Variants in VCPIP1 observed in about 807,000 individuals in gnomAD.
VCPIP1 encodes the protein valosin containing protein interacting protein 1, also known as deubiquitinating protein VCPIP1.
VCPIP1 carries 8 observed loss-of-function variants against 85.0 expected under a neutral mutation model. That is an observed-to-expected ratio of 0.09 (90% CI 0.06 to 0.17). VCPIP1 has a LOEUF of 0.17. Among genes scored for constraint, VCPIP1 ranks in the 10% least tolerant of loss-of-function variants. The pLI is 1.00. For missense variants in VCPIP1, 1,070 were observed against 1,486.3 expected (o/e 0.72, Z 4.61); for synonymous variants, 543 against 544.5 (o/e 1.00, Z 0.04).
chr8:66,641,988 A>G (rs1810952633), intron 2 of VCPIP1, among the ~76,000 whole-genome samples: 1 of 152,192 alleles, frequency 6.6e-6, no homozygotes, highest in South Asian at 2.1e-4. Context: ...TAGTAACTCT[A>G]CATTTAACCT....
chr8:66,659,244 T>C (rs1422200683), intron 1 of VCPIP1, among the ~76,000 whole-genome samples: 1 of 151,578 alleles, frequency 6.6e-6, no homozygotes, highest in South Asian at 2.1e-4. Flanking sequence ...TTGCCCAGAC[T>C]GGAGTGCAGT....
intron 1 of VCPIP1, among the ~76,000 whole-genome samples, chr8:66,659,020 T>C (rs1397116806): frequency 1.3e-5 from 2 of 152,086 alleles, no homozygotes; most frequent in Admixed American, 1.3e-4. Flanking sequence ...ACTGACAAAT[T>C]CTGTTCTTCA....
At chr8:66,648,495 C>T (rs1811017762) in intron 2 of VCPIP1, among the ~76,000 whole-genome samples, 1 of 152,032 alleles carries the variant, frequency 6.6e-6, no homozygotes, top group South Asian at 2.1e-4. Context: ...TCTATCTGAT[C>T]TAATCTATCC....
At chr8:66,650,667 C>A (rs1402912890) in intron 2 of VCPIP1, among the ~76,000 whole-genome samples, 1 of 151,774 alleles carries the variant, frequency 6.6e-6, no homozygotes, top group Non-Finnish European at 1.5e-5. Flanking sequence ...AACAACAACA[C>A]AAACATTATC....
Position 66,634,620 on chromosome 8 carries a change from C to T in VCPIP1, c.3550G>A (p.Gly1184Arg), listed in dbSNP as rs1329792393. The T allele has an allele frequency of 1.2e-6, 2 of 1,614,162 alleles. No homozygotes were observed. The highest frequency in any genetic ancestry group is 1.6e-4 in the Middle Eastern group (1 of 6,062). ...TTTGACCTTGTGGCAAAGGCTGCTCCCAGTGCATCTGCTACACAGCCATCA... is the reference window on the plus strand; with the variant it reads ...TTTGACCTTGTGGCAAAGGCTGCTCTCAGTGCATCTGCTACACAGCCATCA... Reference protein sequence around the residue: ...TTDGCVADALGAAFATRSKAQ... With the variant: ...TTDGCVADALRAAFATRSKAQ... The change falls in exon 3 of 3, where the codon GGA (glycine) becomes AGA (arginine). Residue 1184 changes from glycine (G) to arginine (R), a missense_variant. By Grantham distance (125) the Gly-to-Arg change is moderately radical (BLOSUM62 -2). Coordinates refer to ENST00000310421, the MANE Select transcript of VCPIP1 (RefSeq NM_025054.5).
intron 2 of VCPIP1, 143 bp downstream of exon 2, chr8:66,651,315 A>C: frequency 1.7e-6 from 1 of 601,010 alleles, no homozygotes; most frequent in Non-Finnish European, 2.8e-6. Flanking sequence ...GTAATAATTC[A>C]TTTTAATTAG....
rs1229829503 is a variant in VCPIP1, at chr8:66,666,193, G to A, written c.766C>T (p.Leu256=). 3 of 1,614,070 alleles carry A rather than the reference G, an allele frequency of 1.9e-6. 1 individual carries two copies. The South Asian group carries it at 3.3e-5, about 18-fold the overall frequency. The stretch of plus-strand genomic sequence containing the variant: ...GCAGCATCAATGAAGTCATGGAACA[G>A]AGCTTGATATCGGGCCAGGTGCTGC... ...FQQHLARYQA[L]FHDFIDAAEW... The change falls in exon 1 of 3, where the codon CTG becomes TTG. Residue 256 remains leucine, a synonymous_variant. Coordinates refer to ENST00000310421, the MANE Select transcript of VCPIP1 (RefSeq NM_025054.5). This position sits in a 1 kb window ranked among gnomAD's most constrained non-coding sequence, Gnocchi z 6.3.
At chr8:66,656,861 G>A (rs1262797944) in intron 1 of VCPIP1, among the ~76,000 whole-genome samples, 3 of 143,458 alleles carry the variant, frequency 2.1e-5, no homozygotes, top group African/African-American at 5.8e-5. Flanking sequence ...CCGCCCCCTC[G>A]GCCTACCAAA....
rs932739264 is a variant in VCPIP1, at chr8:66,629,898, A to G, written c.*4603T>C. 1.3e-5 allele frequency: 2 copies of G among 152,154 alleles called. No individual in the cohort carries two copies. The highest frequency in any genetic ancestry group is 1.3e-4 in the Admixed American group (2 of 15,276). 9.4% of individuals were successfully genotyped at this position (152,154 alleles called of 1,614,324 possible). ...TTTCACTGGGTCCATTTCATCTAGC[A>G]ATGAAATCTACATTAAGGGGAAAAA... On this transcript the variant is annotated 3_prime_UTR_variant, in exon 3 of 3. Transcript: ENST00000310421.
rs893493294 is a variant in VCPIP1, at chr8:66,634,102, G to GT, written c.*398dup. ...CCTTTTGACACTAGTATATGAGATG[G>GT]TTACCTTGATGACATCAACATTAGC... is the stretch of plus-strand genomic sequence containing the variant. On this transcript the variant is annotated 3_prime_UTR_variant, in exon 3 of 3. Coordinates refer to ENST00000310421, the MANE Select transcript of VCPIP1 (RefSeq NM_025054.5). The GT allele has an allele frequency of 1.9e-5, 3 of 158,222 alleles. No homozygotes were observed. Among genetic ancestry groups the GT allele is most frequent in the Non-Finnish European group, 4.2e-5 (3 of 72,158 alleles). 9.8% of individuals were successfully genotyped at this position (158,222 alleles called of 1,614,324 possible).
chr8:66,666,272 T>C lies in VCPIP1; in HGVS notation c.687A>G (p.Val229=). 1 of 1,614,072 alleles carries C rather than the reference T, an allele frequency of 6.2e-7. No homozygotes were observed. Among genetic ancestry groups the C allele is most frequent in the Non-Finnish European group, 8.5e-7 (1 of 1,180,016 alleles). ...AGGCATGCCAGAAGAGCTCTCGGCC[T>C]ACTAGAGCCCGAGACACAGCATGCA... The part of the protein sequence containing the change: ...CLVHAVSRAL[V]GRELFWHALR... Residue 229 remains valine (V), a synonymous_variant, in exon 1 of 3, where the codon GTA becomes GTG. Transcript: ENST00000310421. This position sits in a 1 kb window ranked among gnomAD's most constrained non-coding sequence, Gnocchi z 6.3.
intron 2 of VCPIP1, among the ~76,000 whole-genome samples, chr8:66,643,254 T>A (rs890783171): frequency 1.4e-5 from 2 of 146,290 alleles, no homozygotes; most frequent in African/African-American, 5.1e-5. Flanking sequence ...ACTCGGGAGG[T>A]GGAGGTTAAA....
In VCPIP1 at chr8:66,633,671, A is replaced by C. The variant is rs1810855635; in HGVS notation, c.*830T>G. Reference sequence around the variant, plus strand: ...AACAATTAACTCATTCATAAAGATAAACTCTTATTTATAAATTCTCTACTG... The same window carrying C: ...AACAATTAACTCATTCATAAAGATACACTCTTATTTATAAATTCTCTACTG... On this transcript the variant is annotated 3_prime_UTR_variant, in exon 3 of 3. Coordinates refer to ENST00000310421, the MANE Select transcript of VCPIP1 (RefSeq NM_025054.5). 1 of 152,084 alleles carries C rather than the reference A, an allele frequency of 6.6e-6. No individual in the cohort carries two copies. The highest frequency in any genetic ancestry group is 2.1e-4 in the South Asian group (1 of 4,828). The allele number at this position is 152,084 out of a possible 1,614,324, so 9.4% of individuals were successfully genotyped here. A position where few individuals can be genotyped will look rare whatever the true frequency, so the allele number is the denominator to read the frequency against.
In VCPIP1 at chr8:66,665,689, T is replaced by C. The variant is rs757438417; in HGVS notation, c.1270A>G (p.Lys424Glu). The C allele has an allele frequency of 1.2e-6, 2 of 1,614,168 alleles. No homozygotes were observed. Among genetic ancestry groups the C allele is most frequent in the South Asian group, 2.2e-5 (2 of 91,082 alleles). Residue 424 changes from lysine (K) to glutamate (E), a missense_variant, in exon 1 of 3, where the codon AAA becomes GAA. Physicochemically the swap from Lys to Glu is moderately conservative, Grantham distance 56. This residue lies in a region of VCPIP1 where 83 missense variants were observed against 134.6 expected (regional missense o/e 0.62). Coordinates refer to ENST00000310421, the MANE Select transcript of VCPIP1 (RefSeq NM_025054.5). This position sits in a 1 kb window ranked among gnomAD's most constrained non-coding sequence, Gnocchi z 4.3. ...ACCAAACTAGGATGGATACCATGTT[T>C]GTCCATAAAGACTTCTTCCATAGCA... ...VAAMEEVFMDKHGIHPSLVAD... is the reference protein window; with the variant it reads ...VAAMEEVFMDEHGIHPSLVAD...
intron 1 of VCPIP1, among the ~76,000 whole-genome samples, chr8:66,658,087 G>C (rs933238100): frequency 1.3e-5 from 2 of 152,122 alleles, no homozygotes; most frequent in Non-Finnish European, 2.9e-5. Context: ...TGTAATCCCA[G>C]CACTTTGGGA....
In VCPIP1 at chr8:66,631,837, A is replaced by G. The variant is rs1485389863; in HGVS notation, c.*2664T>C. ...AGTTAATTATATTCTATCTTAATAT[A>G]TGGCAGCATCTTGTTTTCTTCAATT... On this transcript the variant is annotated 3_prime_UTR_variant, in exon 3 of 3. Coordinates refer to ENST00000310421, the MANE Select transcript of VCPIP1 (RefSeq NM_025054.5). 6.6e-6 allele frequency: 1 copy of G among 152,556 alleles called. No homozygotes were observed. 9.5% of individuals were successfully genotyped at this position (152,556 alleles called of 1,614,324 possible).
intron 2 of VCPIP1, among the ~76,000 whole-genome samples, chr8:66,639,042 G>A (rs1810921416): frequency 6.6e-6 from 1 of 150,442 alleles, no homozygotes; most frequent in Non-Finnish European, 1.5e-5. Flanking sequence ...GAGTACAGTG[G>A]TGTGTGATCA....
At chr8:66,650,240 C>G (rs1811038882) in intron 2 of VCPIP1, among the ~76,000 whole-genome samples, 1 of 151,906 alleles carries the variant, frequency 6.6e-6, no homozygotes, top group Non-Finnish European at 1.5e-5. Context: ...ATTATTGAGG[C>G]TGGGTAGTAG....
In VCPIP1 at chr8:66,629,028, G is replaced by A. The variant is rs1186865905; in HGVS notation, c.*5473C>T. On this transcript the variant is annotated 3_prime_UTR_variant, in exon 3 of 3. Transcript: ENST00000310421. ...ATGTACAAGTAAAATAAGTTTTAAT[G>A]TAACAAATTATTTAAATAATGTGTG... The A allele has an allele frequency of 6.6e-6, 1 of 152,196 alleles. No individual in the cohort carries two copies. Among genetic ancestry groups the A allele is most frequent in the Non-Finnish European group, 1.5e-5 (1 of 68,032 alleles). 9.4% of individuals were successfully genotyped at this position (152,196 alleles called of 1,614,324 possible).
Sources: gnomAD v4.1 joint callset for allele counts (sites outside exome capture counted in the v4.1 genomes callset) on GRCh38, gnomAD v4.1.1 for gene constraint, gnomAD v4.1.1 regional missense constraint, Gnocchi (gnomAD v3.1) non-coding constraint, MANE v1.5 for transcripts, NCBI Gene and HGNC (gene_info 2026-07-23, HGNC 2026-07-21) for gene names.